Variants in DNAI7 observed in about 807,000 individuals in gnomAD.
The protein encoded by DNAI7 is cancer susceptibility 1.
DNAI7 carries 78 observed loss-of-function variants against 86.6 expected under a neutral mutation model. The observed-to-expected ratio is 0.90, with a 90% CI of 0.75 to 1.09. The LOEUF is 1.09. DNAI7 is among the 50% of genes least tolerant of loss of function. DNAI7 has a pLI of 0.00. For synonymous variants in DNAI7, 274 were observed against 273.0 expected, an observed-to-expected ratio of 1.00 and a Z score of -0.04; for missense variants, 753 against 810.2, an observed-to-expected ratio of 0.93 and a Z score of 0.86.
Position 25,147,005 on chromosome 12 carries a change from G to C in DNAI7, c.685C>G (p.Pro229Ala), listed in dbSNP as rs1303939770. The change falls in exon 8 of 16, where the codon CCA becomes GCA. Residue 229 changes from proline to alanine, a missense_variant. By Grantham distance (27) the Pro-to-Ala change is conservative (BLOSUM62 -1). Transcript: ENST00000395987. ...LYVWANLKKN[P>A]RHRSVRFSET... ...AAGTATTGCCCACAAGGGTACCTTG[G>C]ATTCTTCTTGAGGTTTGCCCACACA... is the stretch of plus-strand genomic sequence containing the variant. 6.5e-7 allele frequency: 1 copy of C among 1,537,334 alleles called. No individual in the cohort carries two copies. Among genetic ancestry groups the C allele is most frequent in the Non-Finnish European group, 9.0e-7 (1 of 1,111,082 alleles).
intron 2 of DNAI7, among the ~76,000 whole-genome samples, chr12:25,189,594 AC>A (rs1408601992): frequency 6.6e-6 from 1 of 152,158 alleles, no homozygotes; most frequent in Non-Finnish European, 1.5e-5. Flanking sequence ...GTAAGCCAAG[AC>A]CATGCCACTG....
intron 12 of DNAI7, among the ~76,000 whole-genome samples, 153 bp from the exon 13 acceptor site, chr12:25,115,023 C>CA (rs1170505125): frequency 1.3e-5 from 2 of 152,216 alleles, no homozygotes; most frequent in African/African-American, 4.8e-5. Flanking sequence ...TGAGAGATTT[C>CA]CCCTGACTAC....
At chr12:25,120,708 G>C (rs1231817348) in intron 11 of DNAI7, among the ~76,000 whole-genome samples, 3 of 152,134 alleles carry the variant, frequency 2.0e-5, no homozygotes, top group Non-Finnish European at 2.9e-5. Context: ...CTGGGCGAAA[G>C]AGCGAGACTC....
At chr12:25,178,353 A>T (rs1012297946) in intron 2 of DNAI7, among the ~76,000 whole-genome samples, 2 of 152,132 alleles carry the variant, frequency 1.3e-5, no homozygotes, top group Admixed American at 6.6e-5. Context: ...TATTTGTCTA[A>T]TTCATCTAAG....
At chr12:25,129,538 A>G (rs887465412) in intron 9 of DNAI7, among the ~76,000 whole-genome samples, 2 of 152,094 alleles carry the variant, frequency 1.3e-5, no homozygotes, top group Non-Finnish European at 2.9e-5. Context: ...TTTTTTATAT[A>G]ACTTATTCCC....
At chr12:25,108,250 A>G (rs1421144474), downstream of DNAI7, 3 of 615,860 alleles carry the variant, frequency 4.9e-6, no homozygotes, top group African/African-American at 3.7e-5. Context: ...AAGTCTGCCT[A>G]TGATCTTTGA....
chr12:25,170,778 C>G (rs1395947358), intron 2 of DNAI7, among the ~76,000 whole-genome samples: 1 of 152,196 alleles, frequency 6.6e-6, no homozygotes, highest in Non-Finnish European at 1.5e-5. Context: ...TTATCCAGCA[C>G]TCTCTCACAC....
chr12:25,164,017 CAT>C (rs767107365), intron 2 of DNAI7, among the ~76,000 whole-genome samples: 15 of 152,224 alleles, frequency 9.9e-5, no homozygotes, highest in Middle Eastern at 3.2e-3. Flanking sequence ...ATTATTCACC[CAT>C]GTTTCAGAGG....
intron 9 of DNAI7, among the ~76,000 whole-genome samples, chr12:25,139,812 C>G (rs952580616): frequency 6.6e-6 from 1 of 152,148 alleles, no homozygotes; most frequent in Admixed American, 6.5e-5. Flanking sequence ...CAAACCTGCA[C>G]GTTCTGCACA....
intron 8 of DNAI7, among the ~76,000 whole-genome samples, chr12:25,145,095 G>A (rs189389178): frequency 2.1e-4 from 32 of 152,258 alleles, no homozygotes; most frequent in Admixed American, 1.3e-3. Flanking sequence ...CTAGGTTTGG[G>A]TAGGAGTATG....
At chr12:25,179,152 GT>G (rs1949263374) in intron 2 of DNAI7, among the ~76,000 whole-genome samples, 1 of 151,864 alleles carries the variant, frequency 6.6e-6, no homozygotes, top group Non-Finnish European at 1.5e-5. Context: ...ATTTTAGAAT[GT>G]TTTAAAAATT....
rs770593018 is a variant in DNAI7 at position 25,114,678 on chromosome 12, G to A, written c.1589C>T (p.Thr530Ile). 7 of 1,609,806 alleles carry A rather than the reference G, an allele frequency of 4.3e-6. No homozygotes were observed. Among genetic ancestry groups the A allele is most frequent in the Non-Finnish European group, 6.0e-6 (7 of 1,176,174 alleles). The change falls in exon 13 of 16, where the codon ACT becomes ATT. Residue 530 changes from threonine (T) to isoleucine (I), a missense_variant. Coordinates refer to ENST00000395987, the MANE Select transcript of DNAI7 (RefSeq NM_018272.5). ...KVLLTVTTVF[T>I]EIQIQIKENL... ...CACCTTAATTTGTATTTGAATCTCA[G>A]TAAATACTGTAGTCACAGTTAAAAG...
chr12:25,144,925 C>G (rs1944640330), intron 8 of DNAI7, among the ~76,000 whole-genome samples: 1 of 152,134 alleles, frequency 6.6e-6, no homozygotes, highest in South Asian at 2.1e-4. Flanking sequence ...CTCTATATGG[C>G]CTTCTTCCTA....
chr12:25,136,567 T>C (rs180927990), intron 9 of DNAI7, among the ~76,000 whole-genome samples: 92 of 152,270 alleles, frequency 6.0e-4, no homozygotes, highest in African/African-American at 2.1e-3. Context: ...AAAAAATCTC[T>C]GAATTGCCAC....
chr12:25,182,978 G>GGAAGAAGGGAAGGAGA (rs1565835784), intron 2 of DNAI7, among the ~76,000 whole-genome samples: 6 of 139,478 alleles, frequency 4.3e-5, no homozygotes, highest in South Asian at 2.3e-4. Flanking sequence ...AGGGAGGAAG[G>GGAAGAAGGGAAGGAGA]GAAGGAGAGA....
chr12:25,121,678 G>C (rs762888784), intron 11 of DNAI7, 75 bp downstream of exon 11: 1 of 1,195,760 alleles, frequency 8.4e-7, no homozygotes, highest in African/African-American at 1.6e-5. Context: ...CTTATTAGAT[G>C]TTAGATAATA....
At chr12:25,125,921 A>T (rs1413158001) in intron 9 of DNAI7, among the ~76,000 whole-genome samples, 1 of 152,090 alleles carries the variant, frequency 6.6e-6, no homozygotes, top group Non-Finnish European at 1.5e-5. Flanking sequence ...AGATGTTTGC[A>T]GATGTGTGGC....
At chr12:25,185,843 C>G in intron 2 of DNAI7, 1 of 596,732 alleles carries the variant, frequency 1.7e-6, no homozygotes, top group South Asian at 7.4e-5. Flanking sequence ...CCCCTTTTGC[C>G]CATTCATTAC....
intron 9 of DNAI7, among the ~76,000 whole-genome samples, chr12:25,139,308 T>C (rs567937371): frequency 1.7e-4 from 26 of 152,258 alleles, no homozygotes; most frequent in Admixed American, 1.5e-3. Flanking sequence ...ACCAATCCTA[T>C]TGACACTATT....
Sources: gnomAD v4.1 joint callset for allele counts (sites outside exome capture counted in the v4.1 genomes callset) on GRCh38, gnomAD v4.1.1 for gene constraint, MANE v1.5 for transcripts, NCBI Gene and HGNC (gene_info 2026-07-23, HGNC 2026-07-21) for gene names.